The following PPP1R12B variants were observed in gnomAD, a reference collection of about 807,000 sequenced individuals.
PPP1R12B encodes the protein protein phosphatase 1 regulatory subunit 12B.
PPP1R12B carries 76 observed loss-of-function variants against 126.1 expected under a neutral mutation model. The observed-to-expected ratio is 0.60, with a 90% CI of 0.50 to 0.73. The LOEUF (loss-of-function observed/expected upper bound fraction) is 0.73, where lower values mean the gene tolerates loss of function less well. Among genes scored for constraint, PPP1R12B ranks in the 30% least tolerant of loss-of-function variants. The probability of loss-of-function intolerance (pLI) is 0.00; values close to 1 mark genes in which losing one functional copy is unlikely to be tolerated. For synonymous variants in PPP1R12B, 356 were observed against 434.7 expected (o/e 0.82, Z 2.25); for missense variants, 1,052 against 1,205.1 (o/e 0.87, Z 1.88).
chr1:202,374,881 G>C (rs1409834039), intron 1 of PPP1R12B, among the ~76,000 whole-genome samples: 1 of 151,840 alleles, frequency 6.6e-6, no homozygotes, highest in Non-Finnish European at 1.5e-5. Context: ...TCTCACCTGG[G>C]TTACAGAAAC....
intron 18 of PPP1R12B, among the ~76,000 whole-genome samples, chr1:202,501,586 G>A (rs1680232947): frequency 1.3e-5 from 2 of 152,144 alleles, no homozygotes; most frequent in Non-Finnish European, 2.9e-5. Context: ...TGAAGGACCG[G>A]GTTCAATGTA....
intron 18 of PPP1R12B, among the ~76,000 whole-genome samples, chr1:202,557,196 G>T (rs1457806470): frequency 6.6e-6 from 1 of 152,148 alleles, no homozygotes. Context: ...CTGCCATGTT[G>T]CCCAGACTGG....
intron 1 of PPP1R12B, among the ~76,000 whole-genome samples, chr1:202,369,058 C>T (rs1042732966): frequency 6.6e-6 from 1 of 152,218 alleles, no homozygotes; most frequent in African/African-American, 2.4e-5. Context: ...ATTAAATTGA[C>T]ATAGTTAAGA....
At chr1:202,415,553 A>T (rs1385434943) in intron 1 of PPP1R12B, among the ~76,000 whole-genome samples, 2 of 152,106 alleles carry the variant, frequency 1.3e-5, no homozygotes, top group Non-Finnish European at 2.9e-5. Context: ...AGCCTTGGTA[A>T]TGGTTATCAT....
rs371634139 is a variant in PPP1R12B at position 202,586,962 on chromosome 1, A to T, written c.*6402A>T. On this transcript the variant is annotated 3_prime_UTR_variant, in exon 24 of 24. Coordinates refer to ENST00000608999, the MANE Select transcript of PPP1R12B (RefSeq NM_002481.4). ...AGGTCTGGCATATACTTGATTACAA[A>T]TGAAAACTCAGAAACCAATTTTATT... 1 of 152,238 alleles carries T rather than the reference A, an allele frequency of 6.6e-6. No homozygotes were observed. Among genetic ancestry groups the T allele is most frequent in the African/African-American group, 2.4e-5 (1 of 41,464 alleles). 9.4% of individuals were successfully genotyped at this position (152,238 alleles called of 1,614,324 possible). A position where few individuals can be genotyped will look rare whatever the true frequency, so the allele number is the denominator to read the frequency against.
chr1:202,393,118 T>C (rs1467062537), intron 1 of PPP1R12B, among the ~76,000 whole-genome samples: 1 of 152,012 alleles, frequency 6.6e-6, no homozygotes, highest in Non-Finnish European at 1.5e-5. Flanking sequence ...GCCAATTTTT[T>C]TGTATTTTTA....
chr1:202,409,250 A>T (rs961423255), intron 1 of PPP1R12B, among the ~76,000 whole-genome samples: 1 of 152,086 alleles, frequency 6.6e-6, no homozygotes, highest in Non-Finnish European at 1.5e-5. Context: ...AGGAACTTCC[A>T]TACTGTTTTC....
chr1:202,538,280 C>T (rs1572434239), intron 18 of PPP1R12B, among the ~76,000 whole-genome samples: 1 of 152,314 alleles, frequency 6.6e-6, no homozygotes, highest in African/African-American at 2.4e-5. Flanking sequence ...CAGGCGTGAG[C>T]CATTGCACCT....
At position 202,442,593 on chromosome 1, in the gene PPP1R12B, G is replaced by C. The variant is rs758101287; in HGVS notation, c.1667+21G>C. ...AAAAGGTACCAGGCTCAAAGGGGGT[G>C]GGAGATGTTTCTTTCACTCTAGCCA... On this transcript the variant is annotated intron_variant, in intron 12 of 23. Transcript: ENST00000608999. The C allele has an allele frequency of 4.4e-5, 70 of 1,597,202 alleles. 2 individuals carry two copies. In the South Asian group the frequency reaches 7.8e-4, roughly 18 times the overall value.
chr1:202,425,175 AT>A (rs1669344509), intron 3 of PPP1R12B, among the ~76,000 whole-genome samples: 2 of 152,188 alleles, frequency 1.3e-5, no homozygotes, highest in South Asian at 4.1e-4. Flanking sequence ...TTAAATGAAG[AT>A]TGTAATATCT....
rs754990102 is a variant in PPP1R12B at position 202,431,597 on chromosome 1, G to A, written c.1119G>A (p.Glu373=). 11 of 1,609,282 alleles carry A rather than the reference G, an allele frequency of 6.8e-6. No individual in the cohort carries two copies. In the South Asian group the frequency reaches 1.0e-4, roughly 15 times the overall value. The part of the protein sequence containing the change: ...EEEEGEDEAS[E]SETEKEADKK... ...AGGAAGGTGAAGATGAAGCTTCTGA[G>A]TCAGAAACTGAGAAGGAGGCAGGTA... Residue 373 remains glutamate (E), a synonymous_variant, in exon 8 of 24, where the codon GAG becomes GAA. Transcript: ENST00000608999.
chr1:202,577,738 C>CT (rs1276788872), intron 23 of PPP1R12B, among the ~76,000 whole-genome samples: 1 of 152,176 alleles, frequency 6.6e-6, no homozygotes, highest in Non-Finnish European at 1.5e-5. Flanking sequence ...TACAGCTAGC[C>CT]TTGCTCTAGG....
In PPP1R12B at chr1:202,453,824, T is replaced by G. The variant is rs1482452356; in HGVS notation, c.1850+4653T>G. 1.2e-4 allele frequency among the ~76,000 whole-genome samples: 18 copies of G among 152,264 alleles called. No homozygotes were observed. In the East Asian group the frequency reaches 3.1e-3, roughly 26 times the overall value. On this transcript the variant is annotated intron_variant, in intron 13 of 23. Transcript: ENST00000608999. ...TTTCTTTTTTCTTTTTTTCATTTCT[T>G]TACATAAAATGGAAGGAAACTAATT...
intron 23 of PPP1R12B, among the ~76,000 whole-genome samples, chr1:202,573,329 ATTCT>A (rs1328096674): frequency 6.6e-6 from 1 of 152,150 alleles, no homozygotes; most frequent in Admixed American, 6.5e-5. Context: ...CAAGGTGGTC[ATTCT>A]TTCTCTTTGG....
chr1:202,499,653 TATG>T (rs1679982803), intron 18 of PPP1R12B, among the ~76,000 whole-genome samples: 1 of 152,242 alleles, frequency 6.6e-6, no homozygotes, highest in Non-Finnish European at 1.5e-5. Context: ...TCAAAATATC[TATG>T]GTTTTTCCCC....
intron 18 of PPP1R12B, among the ~76,000 whole-genome samples, chr1:202,504,128 C>T (rs1189122723): frequency 7.9e-5 from 12 of 152,310 alleles, no homozygotes; most frequent in South Asian, 2.1e-4. Context: ...GCCGTAGTGG[C>T]TCACGCGTGT....
At chr1:202,397,342 T>C (rs2148546856) in intron 1 of PPP1R12B, among the ~76,000 whole-genome samples, 1 of 152,306 alleles carries the variant, frequency 6.6e-6, no homozygotes, top group Admixed American at 6.5e-5. Context: ...GCTAAATTTG[T>C]TTTTCTTTTC....
chr1:202,382,421 A>AT (rs749105122), intron 1 of PPP1R12B, among the ~76,000 whole-genome samples: 26 of 150,116 alleles, frequency 1.7e-4, no homozygotes, highest in Non-Finnish European at 3.0e-4. Context: ...TTAAAGTATA[A>AT]TAAAAAAAAT....
At chr1:202,510,184 G>A (rs1029898556) in intron 18 of PPP1R12B, among the ~76,000 whole-genome samples, 1 of 152,122 alleles carries the variant, frequency 6.6e-6, no homozygotes, top group Non-Finnish European at 1.5e-5. Flanking sequence ...ATCATTTCTG[G>A]AGTTCTTGAC....
Sources: gnomAD v4.1 joint callset for allele counts (sites outside exome capture counted in the v4.1 genomes callset) on GRCh38, gnomAD v4.1.1 for gene constraint, MANE v1.5 for transcripts, NCBI Gene and HGNC (gene_info 2026-07-23, HGNC 2026-07-21) for gene names.